The following PIGF variants were observed in gnomAD, a reference collection of about 807,000 sequenced individuals.
The protein encoded by PIGF is GPI ethanolamine phosphate transferase, stabilizing subunit.
In PIGF, 23 loss-of-function variants were observed where a neutral mutation model predicts 26.0. The observed-to-expected ratio is 0.88, with a 90% confidence interval of 0.64 to 1.25. PIGF has a LOEUF of 1.25. Ranked by LOEUF, PIGF falls within the 50% of genes most tolerant of loss-of-function variation. The probability of loss-of-function intolerance (pLI) is 0.00; values close to 1 mark genes in which losing one functional copy is unlikely to be tolerated. For synonymous variants in PIGF, 93 were observed against 92.6 expected (o/e 1.00, Z -0.03); for missense variants, 278 against 249.9 (o/e 1.11, Z -0.76).
intron 5 of PIGF, among the ~76,000 whole-genome samples, chr2:46,586,630 AAT>A (rs1669580286): frequency 1.3e-5 from 2 of 152,170 alleles, no homozygotes; most frequent in African/African-American, 4.8e-5. Context: ...GCTACTTTTC[AAT>A]ATGTTTGTTT....
At chr2:46,605,801 T>C (rs770915935) in intron 4 of PIGF, among the ~76,000 whole-genome samples, 1 of 152,166 alleles carries the variant, frequency 6.6e-6, no homozygotes, top group Non-Finnish European at 1.5e-5. Flanking sequence ...ACCTGTCAGC[T>C]TTCTAAGTTC....
At chr2:46,584,824 T>C (rs528392418) in intron 5 of PIGF, among the ~76,000 whole-genome samples, 2 of 152,302 alleles carry the variant, frequency 1.3e-5, no homozygotes, top group African/African-American at 2.4e-5. Flanking sequence ...AAGATCAAAA[T>C]AGATTATCAA....
chr2:46,612,362 T>C lies in PIGF; in HGVS notation c.321-18A>G. 2.1e-6 allele frequency: 2 copies of C among 943,372 alleles called. No homozygotes were observed. Among genetic ancestry groups the C allele is most frequent in the Non-Finnish European group, 1.6e-6 (1 of 632,076 alleles). The allele number at this position is 943,372 out of a possible 1,614,324, so 58.4% of individuals were successfully genotyped here. On this transcript the variant is annotated intron_variant, in intron 3 of 5. Coordinates refer to ENST00000281382, the MANE Select transcript of PIGF (RefSeq NM_002643.4). ...ATGCCAACCTAGAAAAAAAAAAAGA[T>C]TACTTTTTAAAAAAGTGTTAAAGGT...
At chr2:46,601,587 T>G (rs756601738) in intron 4 of PIGF, among the ~76,000 whole-genome samples, 1 of 152,100 alleles carries the variant, frequency 6.6e-6, no homozygotes, top group Non-Finnish European at 1.5e-5. Context: ...TTTACAAAAT[T>G]CTAATATAAA....
intron 4 of PIGF, among the ~76,000 whole-genome samples, chr2:46,604,547 C>G (rs895056167): frequency 1.1e-4 from 16 of 151,726 alleles, no homozygotes; most frequent in African/African-American, 3.9e-4. Context: ...GAATGAGTTC[C>G]TGCCATTTGC....
At chr2:46,595,199 C>T (rs1410367944) in intron 4 of PIGF, among the ~76,000 whole-genome samples, 1 of 152,144 alleles carries the variant, frequency 6.6e-6, no homozygotes, top group Non-Finnish European at 1.5e-5. Context: ...GTGCAGCCAT[C>T]ACCACTGTAA....
chr2:46,597,967 C>G (rs1422652739), intron 4 of PIGF, among the ~76,000 whole-genome samples: 1 of 152,092 alleles, frequency 6.6e-6, no homozygotes, highest in Non-Finnish European at 1.5e-5. Context: ...TTAAAATTGT[C>G]TTCTACTTAA....
chr2:46,592,393 C>CATAT, intron 5 of PIGF, 82 bp downstream of exon 5: 1 of 750,728 alleles, frequency 1.3e-6, no homozygotes, highest in Non-Finnish European at 2.4e-6. Context: ...AAACAATTTA[C>CATAT]ATATACACAC....
At chr2:46,587,124 C>T (rs1400932820) in intron 5 of PIGF, among the ~76,000 whole-genome samples, 2 of 152,198 alleles carry the variant, frequency 1.3e-5, no homozygotes, top group Admixed American at 6.5e-5. Context: ...CATGCCAGTT[C>T]AATGTTAACA....
At chr2:46,591,829 G>T in intron 5 of PIGF, 3 of 1,300,560 alleles carry the variant, frequency 2.3e-6, no homozygotes, top group Non-Finnish European at 3.0e-6. Flanking sequence ...TAGCATATCA[G>T]CTTTATCTTA....
chr2:46,591,894 C>A, intron 5 of PIGF: 1 of 1,303,732 alleles, frequency 7.7e-7, no homozygotes, highest in Non-Finnish European at 1.0e-6. Context: ...TAACACAGGC[C>A]GCTGCTGCAA....
chr2:46,606,001 G>A (rs1386193325), intron 4 of PIGF, among the ~76,000 whole-genome samples: 1 of 152,158 alleles, frequency 6.6e-6, no homozygotes, highest in Non-Finnish European at 1.5e-5. Flanking sequence ...AGACTAGGCT[G>A]TTCTCCAGTA....
intron 4 of PIGF, among the ~76,000 whole-genome samples, chr2:46,602,564 G>C (rs1670092691): frequency 6.6e-6 from 1 of 151,278 alleles, no homozygotes; most frequent in African/African-American, 2.4e-5. Flanking sequence ...ATACTAAAAG[G>C]GCTGTCTTTA....
chr2:46,591,378 G>C (rs1462853160), intron 5 of PIGF: 1 of 271,218 alleles, frequency 3.7e-6, no homozygotes, highest in East Asian at 1.7e-4. Flanking sequence ...GGGGAGGAAA[G>C]TAATTTTTAC....
chr2:46,607,406 G>C (rs1171125357), intron 4 of PIGF, among the ~76,000 whole-genome samples: 1 of 152,130 alleles, frequency 6.6e-6, no homozygotes, highest in East Asian at 1.9e-4. Flanking sequence ...TGCAGATTTG[G>C]TTCCAGACCA....
intron 4 of PIGF, among the ~76,000 whole-genome samples, chr2:46,596,615 G>A (rs1669892713): frequency 6.6e-6 from 1 of 151,544 alleles, no homozygotes; most frequent in Non-Finnish European, 1.5e-5. Flanking sequence ...TCTGCTCCAA[G>A]ACAGATATTT....
rs930168212 is a variant in PIGF, at chr2:46,591,750, C to T, written c.546+725G>A. 32 of 1,172,626 alleles carry T rather than the reference C, an allele frequency of 2.7e-5. No individual in the cohort carries two copies. In the African/African-American group the frequency reaches 5.0e-4, roughly 18 times the overall value. 72.6% of individuals were successfully genotyped at this position (1,172,626 alleles called of 1,614,324 possible). A position where few individuals can be genotyped will look rare whatever the true frequency, so the allele number is the denominator to read the frequency against. On this transcript the variant is annotated intron_variant, in intron 5 of 5. Transcript: ENST00000281382. ...CAGTGACCTTGGGAATGTTACATAC[C>T]CTCTAGGTGTCAGTTTCCTCATCTG...
At chr2:46,605,128 G>T (rs1670178540) in intron 4 of PIGF, among the ~76,000 whole-genome samples, 1 of 151,910 alleles carries the variant, frequency 6.6e-6, no homozygotes, top group Non-Finnish European at 1.5e-5. Flanking sequence ...ATAGATCTTT[G>T]AGTTTTTAAA....
intron 4 of PIGF, among the ~76,000 whole-genome samples, chr2:46,611,950 T>TTTC (rs1349386747): frequency 2.0e-5 from 3 of 147,562 alleles, no homozygotes; most frequent in Non-Finnish European, 4.5e-5. Flanking sequence ...TTTTTTTTTA[T>TTTC]TTCTTCTTCT....
Sources: allele counts gnomAD v4.1 joint callset (sites outside exome capture counted in the v4.1 genomes callset), GRCh38; gene constraint gnomAD v4.1.1; transcripts MANE v1.5; gene names NCBI Gene and HGNC (gene_info 2026-07-23, HGNC 2026-07-21).